COG7: variants seen among roughly 807,000 people sequenced by gnomAD.
COG7 encodes the protein component of oligomeric golgi complex 7.
COG7 carries 49 observed loss-of-function variants against 91.5 expected under a neutral mutation model. The observed-to-expected ratio is 0.54, with a 90% CI of 0.43 to 0.68. The LOEUF (loss-of-function observed/expected upper bound fraction) is 0.68, where lower values mean the gene tolerates loss of function less well. Ranked by LOEUF, COG7 falls within the 30% of genes least tolerant of loss-of-function variation. COG7 has a pLI of 0.00. For missense variants in COG7, 895 were observed against 961.3 expected, an observed-to-expected ratio of 0.93 and a Z score of 0.91; for synonymous variants, 365 against 388.7, an observed-to-expected ratio of 0.94 and a Z score of 0.72.
chr16:23,413,391 A>G, intron 10 of COG7, 57 bp downstream of exon 10: 1 of 905,350 alleles, frequency 1.1e-6, no homozygotes. Flanking sequence ...ATACTATATC[A>G]TGCATGTTTA....
chr16:23,440,546 C>T (rs1229267017), intron 4 of COG7, among the ~76,000 whole-genome samples: 1 of 150,970 alleles, frequency 6.6e-6, no homozygotes, highest in Admixed American at 6.6e-5. Flanking sequence ...CACTCTGTCA[C>T]TCCTGGGCTC....
chr16:23,397,139 G>C (rs1333163886), intron 14 of COG7, among the ~76,000 whole-genome samples: 2 of 152,088 alleles, frequency 1.3e-5, no homozygotes, highest in African/African-American at 4.8e-5. Context: ...AAATTTTTGG[G>C]CTCAAGCAAT....
chr16:23,442,793 T>C (rs1323221068), intron 3 of COG7, 148 bp from the exon 4 acceptor site: 1 of 750,024 alleles, frequency 1.3e-6, no homozygotes, highest in African/African-American at 1.7e-5. Context: ...CCCAGCACTT[T>C]CGGAGATTGA....
chr16:23,451,892 T>C (rs1162114445), intron 1 of COG7, among the ~76,000 whole-genome samples: 1 of 152,214 alleles, frequency 6.6e-6, no homozygotes, highest in Non-Finnish European at 1.5e-5. Flanking sequence ...TATTCTTTCA[T>C]ACTCTCAAAA....
chr16:23,403,887 T>A, intron 12 of COG7, 53 bp from the exon 13 acceptor site: 1 of 1,610,114 alleles, frequency 6.2e-7, no homozygotes, highest in Admixed American at 1.7e-5. Flanking sequence ...CCAACCCAAG[T>A]ATTAGCTAGT....
intron 6 of COG7, among the ~76,000 whole-genome samples, chr16:23,430,761 G>C (rs1963922305): frequency 6.6e-6 from 1 of 151,888 alleles, no homozygotes; most frequent in Admixed American, 6.6e-5. Context: ...GGCTGGTCTC[G>C]AACTCCTGAC....
intron 11 of COG7, among the ~76,000 whole-genome samples, chr16:23,408,155 T>G (rs184880): frequency 0.6 from 342 of 574 alleles, 64 homozygotes; most frequent in Non-Finnish European, 0.64. Flanking sequence ...GGGGCGAGTG[T>G]GGCGGGAGGC....
rs534523025 is a variant in COG7, at chr16:23,413,059, T to C, written c.1409+389A>G. The C allele has an allele frequency of 1.2e-3, 335 of 276,094 alleles. 3 individuals carry two copies. Among genetic ancestry groups the C allele is most frequent in the Middle Eastern group, 6.6e-3 (5 of 754 alleles). 17.1% of individuals were successfully genotyped at this position (276,094 alleles called of 1,614,324 possible). On this transcript the variant is annotated intron_variant, in intron 10 of 16. Transcript: ENST00000307149. ...TGGAACCATTTAGTACCATGTACCA[T>C]GGTTCTCAGATCCAGAAACAGGATC...
At chr16:23,419,719 A>T (rs1179747392) in intron 7 of COG7, among the ~76,000 whole-genome samples, 1 of 143,010 alleles carries the variant, frequency 7.0e-6, no homozygotes, top group East Asian at 2.1e-4. Flanking sequence ...ACTGCACTCC[A>T]GCCTGGGTGA....
chr16:23,428,199 A>G (rs1963878948), intron 6 of COG7, among the ~76,000 whole-genome samples: 1 of 151,818 alleles, frequency 6.6e-6, no homozygotes, highest in South Asian at 2.1e-4. Flanking sequence ...AAAAAAAAAA[A>G]TTAGCTGGGC....
At chr16:23,439,769 A>G (rs1964071211) in intron 4 of COG7, among the ~76,000 whole-genome samples, 1 of 152,184 alleles carries the variant, frequency 6.6e-6, no homozygotes, top group Non-Finnish European at 1.5e-5. Context: ...CTGGAGATGG[A>G]TGGTGGTGAT....
chr16:23,405,671 C>T (rs2142066899), intron 12 of COG7, among the ~76,000 whole-genome samples: 1 of 152,136 alleles, frequency 6.6e-6, no homozygotes, highest in South Asian at 2.1e-4. Flanking sequence ...TGCGTGCCAC[C>T]ACACCTGGCT....
intron 1 of COG7, among the ~76,000 whole-genome samples, chr16:23,450,426 T>G (rs1419089754): frequency 6.6e-6 from 1 of 152,148 alleles, no homozygotes; most frequent in East Asian, 1.9e-4. Flanking sequence ...TGTTTCTATC[T>G]TCCCCAAAGG....
At chr16:23,428,853 G>T (rs1006822094) in intron 6 of COG7, among the ~76,000 whole-genome samples, 1 of 151,830 alleles carries the variant, frequency 6.6e-6, no homozygotes, top group South Asian at 2.1e-4. Flanking sequence ...CACCATGGCC[G>T]GCTAATTTTT....
Position 23,418,744 on chromosome 16 carries a change from T to A in COG7, c.1093A>T (p.Met365Leu). 3 of 1,613,942 alleles carry A rather than the reference T, an allele frequency of 1.9e-6. No homozygotes were observed. The highest frequency in any genetic ancestry group is 1.7e-6 in the Non-Finnish European group (2 of 1,179,842). ...YKPYQLKYGD[M>L]EESNLLIQMS... ...TGGATGAGGAGGTTGCTCTCTTCCA[T>A]GTCGCCATACTTCAGCTGGTAGGGT... Residue 365 changes from methionine to leucine, a missense_variant, in exon 8 of 17, where the codon ATG becomes TTG. Transcript: ENST00000307149.
chr16:23,400,049 G>T (rs1391607957), intron 13 of COG7, among the ~76,000 whole-genome samples: 1 of 152,126 alleles, frequency 6.6e-6, no homozygotes, highest in Non-Finnish European at 1.5e-5. Flanking sequence ...GTATGAAACA[G>T]GATGGCTAGG....
At chr16:23,394,492 G>T (rs1233522791) in intron 14 of COG7, among the ~76,000 whole-genome samples, 1 of 151,908 alleles carries the variant, frequency 6.6e-6, no homozygotes, top group Non-Finnish European at 1.5e-5. Context: ...TTTTTAAAAG[G>T]TCTTTCTGCC....
chr16:23,427,681 T>G (rs956224211), intron 6 of COG7, among the ~76,000 whole-genome samples: 3 of 152,144 alleles, frequency 2.0e-5, no homozygotes, highest in Non-Finnish European at 2.9e-5. Flanking sequence ...AACATCTCCA[T>G]TGAACCAGGA....
intron 8 of COG7, chr16:23,417,433 G>A: frequency 2.5e-6 from 1 of 403,364 alleles, no homozygotes; most frequent in Non-Finnish European, 4.7e-6. Context: ...TGGCTCTCGA[G>A]CTACGATTCA....
Sources: allele counts gnomAD v4.1 joint callset (sites outside exome capture counted in the v4.1 genomes callset), GRCh38; gene constraint gnomAD v4.1.1; transcripts MANE v1.5; gene names NCBI Gene and HGNC (gene_info 2026-07-23, HGNC 2026-07-21).